Variants in COMMD1 observed in about 807,000 individuals in gnomAD.
The protein encoded by COMMD1 is COMM domain-containing protein 1.
COMMD1 carries 10 observed loss-of-function variants against 17.2 expected under a neutral mutation model. The observed-to-expected ratio is 0.58, with a 90% CI of 0.36 to 0.99. The LOEUF (loss-of-function observed/expected upper bound fraction) is 0.99. Ranked by LOEUF, COMMD1 falls within the 50% of genes least tolerant of loss-of-function variation. The pLI, the probability that COMMD1 is intolerant of heterozygous loss-of-function variation, is 0.01. For missense variants in COMMD1, 270 were observed against 231.8 expected, an observed-to-expected ratio of 1.17 and a Z score of -1.07; for synonymous variants, 97 against 91.6, an observed-to-expected ratio of 1.06 and a Z score of -0.34.
intron 2 of COMMD1, among the ~76,000 whole-genome samples, chr2:62,115,927 A>G (rs528415260): frequency 7.2e-6 from 1 of 138,526 alleles, no homozygotes; most frequent in Non-Finnish European, 1.5e-5. Context: ...ATCTTGGCTC[A>G]CTGCAACTTC....
At position 61,972,918 on chromosome 2, in the gene COMMD1, G is replaced by A. The variant is rs536298224; in HGVS notation, c.181-27783G>A. Among the ~76,000 whole-genome samples, 5 of 152,168 alleles carry A rather than the reference G, an allele frequency of 3.3e-5. No individual in the cohort carries two copies. In the South Asian group the frequency reaches 6.3e-4, roughly 19 times the overall value. ...ACTCCTAACCTCAAGTGATCCGCCC[G>A]CTTCGGCCACCCAAAGTGTTGGGAT... On this transcript the variant is annotated intron_variant, in intron 1 of 2. Coordinates refer to ENST00000311832, the MANE Select transcript of COMMD1 (RefSeq NM_152516.4).
At chr2:61,910,899 C>T (rs758296603) in intron 1 of COMMD1, among the ~76,000 whole-genome samples, 3 of 151,258 alleles carry the variant, frequency 2.0e-5, no homozygotes, top group African/African-American at 7.3e-5. Context: ...GCCTGACCAA[C>T]GTGGAGAAAC....
At chr2:61,945,123 A>G (rs192920508) in intron 1 of COMMD1, among the ~76,000 whole-genome samples, 1 of 152,310 alleles carries the variant, frequency 6.6e-6, no homozygotes, top group African/African-American at 2.4e-5. Context: ...TCCAATGGTA[A>G]GGTGAAATTA....
At chr2:61,994,584 A>T (rs772086691) in intron 1 of COMMD1, among the ~76,000 whole-genome samples, 3 of 152,090 alleles carry the variant, frequency 2.0e-5, no homozygotes, top group Non-Finnish European at 4.4e-5. Context: ...AAATGATAGG[A>T]ATACAGCTTA....
In COMMD1 at chr2:62,000,797, G is replaced by A. The variant is rs200859845; in HGVS notation, c.277G>A (p.Val93Ile). Residue 93 changes from valine to isoleucine, a missense_variant, in exon 2 of 3, where the codon GTC (valine) becomes ATC (isoleucine). By Grantham distance (29) the Val-to-Ile change is conservative. Transcript: ENST00000311832. ...TGGGATCACATCTGACCAAGCTGCT[G>A]TCATTTCCAAATTCTGGAAGAGCCA... ...QGGITSDQAA[V>I]ISKFWKSHKT... 4.6e-5 allele frequency: 75 copies of A among 1,614,138 alleles called. No individual in the cohort carries two copies. The East Asian group carries it at 1.6e-3, about 35-fold the overall frequency.
At chr2:62,003,375 C>T (rs1449320069) in intron 2 of COMMD1, among the ~76,000 whole-genome samples, 1 of 151,214 alleles carries the variant, frequency 6.6e-6, no homozygotes, top group Non-Finnish European at 1.5e-5. Flanking sequence ...CCCGTCTCTA[C>T]TAAAAACACA....
chr2:62,042,325 C>G (rs561631811), intron 2 of COMMD1, among the ~76,000 whole-genome samples: 1 of 152,130 alleles, frequency 6.6e-6, no homozygotes, highest in Non-Finnish European at 1.5e-5. Flanking sequence ...TTGCTAGACA[C>G]TGAGTACTGA....
chr2:61,932,354 G>A (rs577283684), intron 1 of COMMD1, among the ~76,000 whole-genome samples: 1 of 152,312 alleles, frequency 6.6e-6, no homozygotes, highest in South Asian at 2.1e-4. Context: ...ATGTTTTACA[G>A]ACCCCTTGAT....
At chr2:61,966,598 C>G (rs1285715103) in intron 1 of COMMD1, among the ~76,000 whole-genome samples, 1 of 151,896 alleles carries the variant, frequency 6.6e-6, no homozygotes, top group Non-Finnish European at 1.5e-5. Context: ...TAGTAATGTC[C>G]TAGGTCATCA....
chr2:62,066,189 T>TA (rs1449465266), intron 2 of COMMD1, among the ~76,000 whole-genome samples: 2 of 152,206 alleles, frequency 1.3e-5, no homozygotes, highest in African/African-American at 2.4e-5. Flanking sequence ...TTTCTAATCT[T>TA]ACCGTTATTT....
At chr2:62,058,585 G>A (rs1670773269) in intron 2 of COMMD1, among the ~76,000 whole-genome samples, 1 of 152,002 alleles carries the variant, frequency 6.6e-6, no homozygotes, top group Non-Finnish European at 1.5e-5. Context: ...ACCAGCCTGG[G>A]CAACATAGCC....
chr2:62,094,456 TG>T (rs1180894974), intron 2 of COMMD1, among the ~76,000 whole-genome samples: 1 of 152,174 alleles, frequency 6.6e-6, no homozygotes, highest in Non-Finnish European at 1.5e-5. Context: ...AATAACCAGT[TG>T]GTCTGTGATT....
intron 1 of COMMD1, among the ~76,000 whole-genome samples, chr2:61,898,698 G>A (rs1669601200): frequency 6.6e-6 from 1 of 151,954 alleles, no homozygotes. Flanking sequence ...CCTGGGACCA[G>A]TTGCTTAATG....
intron 1 of COMMD1, among the ~76,000 whole-genome samples, chr2:61,989,019 A>T (rs973662202): frequency 1.1e-4 from 17 of 152,206 alleles, no homozygotes; most frequent in Admixed American, 6.5e-5. Flanking sequence ...GGATGGGGGA[A>T]GGGTGGTGTC....
At chr2:62,065,963 A>G (rs572778266) in intron 2 of COMMD1, among the ~76,000 whole-genome samples, 1 of 152,338 alleles carries the variant, frequency 6.6e-6, no homozygotes, top group East Asian at 1.9e-4. Flanking sequence ...GCTAGTCACA[A>G]TGGAAGGAGT....
chr2:62,051,874 G>A lies in COMMD1; in HGVS notation c.462+50892G>A, dbSNP rs568928651. 5.3e-5 allele frequency among the ~76,000 whole-genome samples: 8 copies of A among 152,208 alleles called. No homozygotes were observed. The South Asian group carries it at 1.5e-3, about 28-fold the overall frequency. On this transcript the variant is annotated intron_variant, in intron 2 of 2. Coordinates refer to ENST00000311832, the MANE Select transcript of COMMD1 (RefSeq NM_152516.4). ...GGCTTTATAGCAACTATTAGCATTC[G>A]GTGACTATGCCAAGGACTTAGCTCA...
At chr2:62,027,233 T>C (rs1479797925) in intron 2 of COMMD1, among the ~76,000 whole-genome samples, 1 of 152,214 alleles carries the variant, frequency 6.6e-6, no homozygotes, top group East Asian at 1.9e-4. Context: ...GGTGTAGCAT[T>C]CTATATTATG....
chr2:61,937,863 C>G (rs1670642259), intron 1 of COMMD1, among the ~76,000 whole-genome samples: 1 of 152,112 alleles, frequency 6.6e-6, no homozygotes, highest in African/African-American at 2.4e-5. Context: ...TTATTTTCTT[C>G]TTTTACCAGT....
intron 2 of COMMD1, among the ~76,000 whole-genome samples, chr2:62,058,402 T>G (rs1670769312): frequency 6.6e-6 from 1 of 152,238 alleles, no homozygotes; most frequent in Non-Finnish European, 1.5e-5. Flanking sequence ...TGTTTTGTTT[T>G]GAGACAAGGG....
Sources: gnomAD v4.1 joint callset for allele counts (sites outside exome capture counted in the v4.1 genomes callset) on GRCh38, gnomAD v4.1.1 for gene constraint, MANE v1.5 for transcripts, NCBI Gene and HGNC (gene_info 2026-07-23, HGNC 2026-07-21) for gene names.